The following FZD3 variants were observed in gnomAD, a reference collection of about 807,000 sequenced individuals.
FZD3 encodes frizzled class receptor 3.
Under a neutral mutation model 60.7 loss-of-function variants are expected in FZD3, and 30 were observed. The observed-to-expected ratio is 0.49, with a 90% CI of 0.37 to 0.67. The LOEUF (loss-of-function observed/expected upper bound fraction) is 0.67, where lower values mean the gene tolerates loss of function less well. FZD3 is among the 30% of genes least tolerant of loss of function. The probability of loss-of-function intolerance (pLI) is 0.00; values close to 1 mark genes in which losing one functional copy is unlikely to be tolerated. For missense variants in FZD3, 605 were observed against 838.7 expected, an observed-to-expected ratio of 0.72 and a Z score of 3.44; for synonymous variants, 246 against 275.2, an observed-to-expected ratio of 0.89 and a Z score of 1.05.
At chr8:28,504,791 T>C (rs2130283716) in intron 3 of FZD3, among the ~76,000 whole-genome samples, 1 of 152,346 alleles carries the variant, frequency 6.6e-6, no homozygotes, top group South Asian at 2.1e-4. Flanking sequence ...CACCATGTAT[T>C]TGCTCCAGTG....
intron 5 of FZD3, among the ~76,000 whole-genome samples, chr8:28,549,994 T>TA (rs1805374424): frequency 1.3e-5 from 2 of 152,158 alleles, no homozygotes; most frequent in Non-Finnish European, 2.9e-5. Flanking sequence ...TAAGTTTCTT[T>TA]ATGGAGGCTT....
rs1284473675 is a variant in FZD3, at chr8:28,520,672, G to A, written c.224G>A (p.Arg75Gln). The change falls in exon 4 of 8, where the codon CGG (arginine) becomes CAG (glutamine). Residue 75 changes from arginine (R) to glutamine (Q), a missense_variant. Arg to Gln is a conservative substitution (Grantham distance 43). Coordinates refer to ENST00000240093, the MANE Select transcript of FZD3 (RefSeq NM_017412.4). ...FHPMVNLDCS[R>Q]DFRPFLCALY... ...CCTATGGTGAATCTGGATTGTTCTC[G>A]GGATTTCCGGCCTTTTCTTTGTGCA... is the stretch of plus-strand genomic sequence containing the variant. The A allele has an allele frequency of 6.2e-6, 10 of 1,603,124 alleles. No individual in the cohort carries two copies. The highest frequency in any genetic ancestry group is 5.4e-5 in the African/African-American group (4 of 74,496).
rs1237368872 is a variant in FZD3 at position 28,539,601 on chromosome 8, T to TAAG, written c.1404+11437_1404+11438insAAG. ...TTCAGGAACTGTTGTCACTTACCAGTTGTATGACAGACTCTGTATGAACCT... is the reference window on the plus strand; with the variant it reads ...TTCAGGAACTGTTGTCACTTACCAGTAAGTGTATGACAGACTCTGTATGAACCT... On this transcript the variant is annotated intron_variant, in intron 5 of 7. Transcript: ENST00000240093. 4.6e-5 allele frequency among the ~76,000 whole-genome samples: 7 copies of TAAG among 152,354 alleles called. No homozygotes were observed. In the South Asian group the frequency reaches 1.2e-3, roughly 27 times the overall value.
chr8:28,537,743 C>T (rs1282435998), intron 5 of FZD3, among the ~76,000 whole-genome samples: 1 of 152,176 alleles, frequency 6.6e-6, no homozygotes, highest in Non-Finnish European at 1.5e-5. Context: ...TTTTCTGTCC[C>T]ATATAAATTG....
intron 5 of FZD3, among the ~76,000 whole-genome samples, chr8:28,547,816 G>A (rs1179661756): frequency 6.6e-6 from 1 of 150,812 alleles, no homozygotes; most frequent in Non-Finnish European, 1.5e-5. Flanking sequence ...GAAAGTTATG[G>A]CCATGCAGAA....
chr8:28,529,811 TTA>T (rs1360525968), intron 5 of FZD3, among the ~76,000 whole-genome samples: 1 of 152,156 alleles, frequency 6.6e-6, no homozygotes, highest in Non-Finnish European at 1.5e-5. Flanking sequence ...AAAACTCTTA[TTA>T]TGAGTTTTCA....
At chr8:28,544,538 T>C (rs1805250665) in intron 5 of FZD3, among the ~76,000 whole-genome samples, 1 of 152,224 alleles carries the variant, frequency 6.6e-6, no homozygotes, top group Non-Finnish European at 1.5e-5. Context: ...TATCATAATA[T>C]AAATTTACAT....
intron 7 of FZD3, among the ~76,000 whole-genome samples, chr8:28,562,550 A>T (rs968249898): frequency 1.3e-5 from 2 of 152,130 alleles, no homozygotes; most frequent in Non-Finnish European, 2.9e-5. Context: ...AGCCTTATTT[A>T]ATCTTAGCTT....
intron 3 of FZD3, among the ~76,000 whole-genome samples, chr8:28,506,924 C>T (rs1804156771): frequency 6.6e-6 from 1 of 152,120 alleles, no homozygotes; most frequent in East Asian, 1.9e-4. Flanking sequence ...TATCCAGCAT[C>T]CAGCCTTAAA....
At chr8:28,561,698 TATC>T (rs776800150) in intron 7 of FZD3, among the ~76,000 whole-genome samples, 1 of 152,172 alleles carries the variant, frequency 6.6e-6, no homozygotes, top group Non-Finnish European at 1.5e-5. Context: ...TGAGGTTTAT[TATC>T]CTAAATCAAA....
intron 5 of FZD3, among the ~76,000 whole-genome samples, chr8:28,551,309 A>G (rs1298549705): frequency 6.6e-6 from 1 of 152,122 alleles, no homozygotes; most frequent in African/African-American, 2.4e-5. Flanking sequence ...AGGCAGGTGG[A>G]TCACCTGCAG....
intron 5 of FZD3, among the ~76,000 whole-genome samples, chr8:28,548,227 T>A (rs1344959045): frequency 2.6e-5 from 4 of 151,922 alleles, no homozygotes; most frequent in Non-Finnish European, 5.9e-5. Flanking sequence ...CTCCTTGAAA[T>A]AAAGCTTTCA....
intron 2 of FZD3, among the ~76,000 whole-genome samples, chr8:28,500,863 C>T (rs1020661292): frequency 2.0e-5 from 3 of 152,034 alleles, no homozygotes; most frequent in Admixed American, 6.6e-5. Context: ...CAGGTTCAAG[C>T]GATTCTTCTG....
chr8:28,530,141 G>GTGTGTGTGTA (rs1804829979), intron 5 of FZD3, among the ~76,000 whole-genome samples: 2 of 115,312 alleles, frequency 1.7e-5, no homozygotes, highest in African/African-American at 3.3e-5. Flanking sequence ...GTGTGTGTGT[G>GTGTGTGTGTA]TTGGGGGGGA....
intron 5 of FZD3, among the ~76,000 whole-genome samples, chr8:28,532,662 C>T (rs1308985579): frequency 2.0e-5 from 3 of 151,852 alleles, no homozygotes; most frequent in Non-Finnish European, 4.4e-5. Flanking sequence ...GATCCTTCCA[C>T]CTTGGCTTTC....
chr8:28,572,851 C>T lies in FZD3; in HGVS notation c.*9840C>T, dbSNP rs1805830848. 6.6e-6 allele frequency: 1 copy of T among 151,992 alleles called. No homozygotes were observed. The highest frequency in any genetic ancestry group is 1.5e-5 in the Non-Finnish European group (1 of 67,976). The allele number at this position is 151,992 out of a possible 1,614,324, so 9.4% of individuals were successfully genotyped here. ...AAGATCATATAAAAAATATGAAACTCCTACACAGGAAATCCCCAATTTTGT... is the reference window on the plus strand; with the variant it reads ...AAGATCATATAAAAAATATGAAACTTCTACACAGGAAATCCCCAATTTTGT... On this transcript the variant is annotated 3_prime_UTR_variant, in exon 8 of 8. Transcript: ENST00000240093.
At chr8:28,554,547 T>G (rs1805472310) in intron 6 of FZD3, among the ~76,000 whole-genome samples, 1 of 152,068 alleles carries the variant, frequency 6.6e-6, no homozygotes, top group Non-Finnish European at 1.5e-5. Context: ...GGTTTCGTTG[T>G]GTGATTTTTT....
chr8:28,563,751 A>G lies in FZD3; in HGVS notation c.*740A>G, dbSNP rs143239620. 2.2e-3 allele frequency: 332 copies of G among 152,730 alleles called. 1 individual carries two copies. The highest frequency in any genetic ancestry group is 3.4e-3 in the Middle Eastern group (1 of 294). The allele number at this position is 152,730 out of a possible 1,614,324, so 9.5% of individuals were successfully genotyped here. A position where few individuals can be genotyped will look rare whatever the true frequency, so the allele number is the denominator to read the frequency against. On this transcript the variant is annotated 3_prime_UTR_variant, in exon 8 of 8. Transcript: ENST00000240093. ...GGCTGTGTTTTTATAACTTATCCAT[A>G]TGCATGATGGAAAAATTTTAATTTG... is the stretch of plus-strand genomic sequence containing the variant.
chr8:28,498,737 G>A (rs1207404245), intron 1 of FZD3, among the ~76,000 whole-genome samples: 2 of 152,088 alleles, frequency 1.3e-5, no homozygotes, highest in African/African-American at 4.8e-5. Context: ...GCTAATTTTT[G>A]TATTTTTAGT....
Sources: gnomAD v4.1 joint callset for allele counts (sites outside exome capture counted in the v4.1 genomes callset) on GRCh38, gnomAD v4.1.1 for gene constraint, MANE v1.5 for transcripts, NCBI Gene and HGNC (gene_info 2026-07-23, HGNC 2026-07-21) for gene names.